Variants in AFAP1 observed in about 807,000 individuals in gnomAD.
AFAP1 encodes the protein actin filament-associated protein 1.
In AFAP1, 75 loss-of-function variants were observed where a neutral mutation model predicts 93.9. That is an observed-to-expected ratio of 0.80 (90% CI 0.66 to 0.97). AFAP1 has a LOEUF of 0.97. AFAP1 is among the 50% of genes least tolerant of loss of function. The pLI, the probability that AFAP1 is intolerant of heterozygous loss-of-function variation, is 0.00. For missense variants in AFAP1, 1,201 were observed against 1,050.8 expected (o/e 1.14, Z -1.98); for synonymous variants, 517 against 430.7 (o/e 1.20, Z -2.48).
intron 1 of AFAP1, among the ~76,000 whole-genome samples, chr4:7,913,353 A>C (rs553089754): frequency 6.7e-6 from 1 of 149,364 alleles, no homozygotes; most frequent in East Asian, 2.0e-4. Context: ...TCGCACCACT[A>C]CACTCCAGCC....
At chr4:7,909,446 T>C (rs1464533148) in intron 1 of AFAP1, among the ~76,000 whole-genome samples, 1 of 152,234 alleles carries the variant, frequency 6.6e-6, no homozygotes, top group African/African-American at 2.4e-5. Context: ...AATCGTTTCC[T>C]GCCAATCAAA....
chr4:7,862,244 G>C (rs1451322523), intron 3 of AFAP1: 3 of 152,276 alleles, frequency 2.0e-5, no homozygotes, highest in Admixed American at 6.6e-5. Flanking sequence ...GAGGTAAGAG[G>C]ATCACTTGAG....
At chr4:7,930,200 AAG>A (rs751369934) in intron 1 of AFAP1, among the ~76,000 whole-genome samples, 3 of 152,222 alleles carry the variant, frequency 2.0e-5, no homozygotes, top group Non-Finnish European at 2.9e-5. Context: ...AGCCAAATGC[AAG>A]AGACGCACAG....
intron 13 of AFAP1, among the ~76,000 whole-genome samples, chr4:7,780,732 T>C (rs892501330): frequency 6.6e-6 from 1 of 152,104 alleles, no homozygotes; most frequent in Non-Finnish European, 1.5e-5. Flanking sequence ...CAATGGACAG[T>C]AGTTCAACAT....
intron 3 of AFAP1, among the ~76,000 whole-genome samples, chr4:7,856,396 C>T (rs532217736): frequency 6.6e-6 from 1 of 152,090 alleles, no homozygotes; most frequent in East Asian, 1.9e-4. Flanking sequence ...GCGCCCACCA[C>T]CACACCCGGC....
At position 7,868,733 on chromosome 4, in the gene AFAP1, C is replaced by G; in HGVS notation, c.128-14G>C. The G allele has an allele frequency of 6.2e-7, 1 of 1,611,374 alleles. No individual in the cohort carries two copies. The highest frequency in any genetic ancestry group is 1.1e-5 in the South Asian group (1 of 90,934). Reference sequence around the variant, plus strand: ...TCACATCAAAACCTGTAAGAATTAACCAGAACCACAGAACTGGATGAGGAT... The same window carrying G: ...TCACATCAAAACCTGTAAGAATTAAGCAGAACCACAGAACTGGATGAGGAT... On this transcript the variant is annotated splice_polypyrimidine_tract_variant and intron_variant, in intron 2 of 17. Coordinates refer to ENST00000420658, the MANE Select transcript of AFAP1 (RefSeq NM_001134647.2).
chr4:7,843,422 C>T (rs1431311958), intron 4 of AFAP1, 72 bp from the exon 5 acceptor site: 111 of 1,369,128 alleles, frequency 8.1e-5, no homozygotes, highest in Non-Finnish European at 1.0e-4. Context: ...CTCAAGAGCA[C>T]GTCCTCTTAT....
intron 8 of AFAP1, among the ~76,000 whole-genome samples, chr4:7,809,995 A>C (rs1719870800): frequency 6.6e-6 from 1 of 152,134 alleles, no homozygotes; most frequent in Admixed American, 6.5e-5. Flanking sequence ...AGTAGCTGGG[A>C]CCACAGGTGC....
chr4:7,818,242 G>A (rs768568954), intron 7 of AFAP1, among the ~76,000 whole-genome samples: 5 of 152,226 alleles, frequency 3.3e-5, no homozygotes, highest in Non-Finnish European at 5.9e-5. Flanking sequence ...CTGCACCATC[G>A]GCTCTCCTGG....
At chr4:7,903,397 C>T (rs369515315) in intron 1 of AFAP1, among the ~76,000 whole-genome samples, 1 of 152,186 alleles carries the variant, frequency 6.6e-6, no homozygotes, top group Non-Finnish European at 1.5e-5. Flanking sequence ...GTGGAAACAG[C>T]GACCAGGCGC....
At chr4:7,858,916 G>A (rs542791584) in intron 3 of AFAP1, among the ~76,000 whole-genome samples, 62 of 152,274 alleles carry the variant, frequency 4.1e-4, no homozygotes, top group African/African-American at 1.4e-3. Flanking sequence ...CTGACCCCAT[G>A]TCCTCCCAAA....
At chr4:7,865,720 T>C (rs1716320331) in intron 3 of AFAP1, among the ~76,000 whole-genome samples, 1 of 152,192 alleles carries the variant, frequency 6.6e-6, no homozygotes, top group African/African-American at 2.4e-5. Context: ...GAACTCTTCA[T>C]CTGAAACTGG....
chr4:7,842,643 C>G (rs940940856), intron 5 of AFAP1: 11 of 154,174 alleles, frequency 7.1e-5, no homozygotes, highest in African/African-American at 2.4e-4. Context: ...GCCTTCCCTG[C>G]TTCTCTGTTC....
chr4:7,911,154 C>G (rs367684640), intron 1 of AFAP1, among the ~76,000 whole-genome samples: 2 of 152,180 alleles, frequency 1.3e-5, no homozygotes. Context: ...CAAGTTACCA[C>G]GAAATGACCC....
At chr4:7,824,540 CAA>C (rs1354870817) in intron 6 of AFAP1, among the ~76,000 whole-genome samples, 1 of 152,148 alleles carries the variant, frequency 6.6e-6, no homozygotes, top group Non-Finnish European at 1.5e-5. Context: ...CGAGTATGTG[CAA>C]AGTCAAGCAC....
At chr4:7,805,404 C>T (rs928597180) in intron 9 of AFAP1, among the ~76,000 whole-genome samples, 9 of 152,154 alleles carry the variant, frequency 5.9e-5, no homozygotes, top group Non-Finnish European at 2.9e-5. Flanking sequence ...TCAGTCTCTC[C>T]GTTTCTCATG....
rs1560157169 is a variant in AFAP1, at chr4:7,786,313, T to C, written c.1413-2A>G. The C allele has an allele frequency of 6.2e-7, 1 of 1,610,774 alleles. No homozygotes were observed. Among genetic ancestry groups the C allele is most frequent in the African/African-American group, 1.3e-5 (1 of 74,980 alleles). On this transcript the variant is annotated splice_acceptor_variant, in intron 11 of 17. Transcript: ENST00000420658. LOFTEE classifies it high-confidence loss of function. ...GATATAACACGCCTGTTCATGAAAC[T>C]GAAAGAAAGGAAATGCGTTAAAATC...
At chr4:7,909,312 T>C (rs539225836) in intron 1 of AFAP1, among the ~76,000 whole-genome samples, 3 of 152,286 alleles carry the variant, frequency 2.0e-5, no homozygotes, top group Admixed American at 2.0e-4. Context: ...CACAGCTAGT[T>C]AGCAAAACCC....
intron 15 of AFAP1, 76 bp from the exon 16 acceptor site, chr4:7,773,086 CAAG>C (rs1265682148): frequency 5.3e-6 from 8 of 1,504,348 alleles, no homozygotes; most frequent in East Asian, 2.4e-5. Flanking sequence ...ACCTGGTCCC[CAAG>C]AAGAACTTCC....
Sources: gnomAD v4.1 joint callset for allele counts (sites outside exome capture counted in the v4.1 genomes callset) on GRCh38, gnomAD v4.1.1 for gene constraint, MANE v1.5 for transcripts, NCBI Gene and HGNC (gene_info 2026-07-23, HGNC 2026-07-21) for gene names.